The following C1orf54 variants were observed in gnomAD, a reference collection of about 807,000 sequenced individuals.
C1orf54 encodes uncharacterized protein C1orf54.
C1orf54 carries 12 observed loss-of-function variants against 14.7 expected under a neutral mutation model. The ratio of observed to expected loss-of-function variants is 0.82; its 90% CI spans 0.52 to 1.32. The LOEUF (loss-of-function observed/expected upper bound fraction) is 1.32. Ranked by LOEUF, C1orf54 falls within the 40% of genes most tolerant of loss-of-function variation. C1orf54 has a pLI of 0.00. For synonymous variants in C1orf54, 65 were observed against 56.3 expected (o/e 1.16, Z -0.70); for missense variants, 163 against 162.2 (o/e 1.00, Z -0.03).
intron 4 of C1orf54, among the ~76,000 whole-genome samples, chr1:150,278,621 A>C (rs1316406043): frequency 6.6e-6 from 1 of 152,240 alleles, no homozygotes; most frequent in Non-Finnish European, 1.5e-5. Context: ...TGACTGGAGA[A>C]GTAGGCAGAT....
Position 150,276,618 on chromosome 1 carries a change from G to A in C1orf54, c.286G>A (p.Val96Ile). 1 of 1,613,792 alleles carries A rather than the reference G, an allele frequency of 6.2e-7. No individual in the cohort carries two copies. The highest frequency in any genetic ancestry group is 8.5e-7 in the Non-Finnish European group (1 of 1,179,688). ...DHPKPVTVKP[V>I]TTEPSPDLND... ...TCCGAAGCCTGTAACTGTGAAACCA[G>A]TAACAACGGAACCTGTGAGTTGATT... Residue 96 changes from valine (V) to isoleucine (I), a missense_variant, in exon 4 of 6, where the codon GTA becomes ATA. Coordinates refer to ENST00000369099, the MANE Select transcript of C1orf54 (RefSeq NM_024579.4).
At chr1:150,280,788 C>T (rs1274165081) in intron 5 of C1orf54, 47 bp from the exon 6 acceptor site, 15 of 1,484,284 alleles carry the variant, frequency 1.0e-5, no homozygotes, top group South Asian at 1.2e-5. Context: ...AGGGGTTTCT[C>T]GGGTCTCCTG....
intron 3 of C1orf54, 44 bp downstream of exon 3, chr1:150,275,843 TA>T (rs781995667): frequency 5.2e-6 from 8 of 1,551,394 alleles, no homozygotes; most frequent in East Asian, 4.5e-5. Flanking sequence ...AAGTAACAAT[TA>T]AAAAGAAACT....
chr1:150,275,908 G>A (rs1652608807), intron 3 of C1orf54, 109 bp downstream of exon 3: 10 of 921,700 alleles, frequency 1.1e-5, no homozygotes, highest in Non-Finnish European at 1.0e-5. Context: ...AGGCCAAGGC[G>A]AGTGGATCAT....
chr1:150,269,149 T>G (rs1417307398), upstream of C1orf54: 3 of 264,732 alleles, frequency 1.1e-5, no homozygotes, highest in Non-Finnish European at 2.3e-5. Context: ...GGCCTTGACT[T>G]CGTCCTGGGA....
chr1:150,275,669 C>T (rs1173540644), intron 2 of C1orf54, 72 bp from the exon 3 acceptor site: 2 of 1,188,764 alleles, frequency 1.7e-6, no homozygotes, highest in East Asian at 4.8e-5. Flanking sequence ...TGAGTAATTT[C>T]TTCCCTTTTC....
At chr1:150,280,716 T>C (rs996873365) in intron 5 of C1orf54, 119 bp from the exon 6 acceptor site, 74 of 750,622 alleles carry the variant, frequency 9.9e-5, no homozygotes, top group Non-Finnish European at 1.6e-4. Context: ...TCCCAGGAGC[T>C]ATCACAGAGC....
At chr1:150,280,569 G>C (rs1015485824) in intron 5 of C1orf54, among the ~76,000 whole-genome samples, 1 of 152,204 alleles carries the variant, frequency 6.6e-6, no homozygotes, top group Non-Finnish European at 1.5e-5. Flanking sequence ...GTATGGCAGG[G>C]CGGTGGGAGA....
chr1:150,270,444 C>T, upstream of C1orf54, among the ~76,000 whole-genome samples: 1 of 151,532 alleles, frequency 6.6e-6, no homozygotes, highest in East Asian at 1.9e-4. Context: ...GAGTTTGAGA[C>T]TAGCCTGGCC....
Position 150,279,649 on chromosome 1 carries a change from G to T in C1orf54, c.307G>T (p.Asp103Tyr), listed in dbSNP as rs782022240. ...GATGTCGGTATTTTAGCAGAGTCCAGATCTGAACGATGCCGTGTCCAGTTT... is the reference window on the plus strand; with the variant it reads ...GATGTCGGTATTTTAGCAGAGTCCATATCTGAACGATGCCGTGTCCAGTTT... ...VKPVTTEPSP[D>Y]LNDAVSSLRS... The change falls in exon 5 of 6, where the codon GAT (aspartate) becomes TAT (tyrosine). Residue 103 changes from aspartate to tyrosine, a missense_variant. Transcript: ENST00000369099. 54 of 1,611,438 alleles carry T rather than the reference G, an allele frequency of 3.4e-5. No individual in the cohort carries two copies. Among genetic ancestry groups the T allele is most frequent in the Non-Finnish European group, 4.4e-5 (52 of 1,178,928 alleles).
chr1:150,277,997 T>C (rs1652804545), intron 4 of C1orf54, among the ~76,000 whole-genome samples: 1 of 152,120 alleles, frequency 6.6e-6, no homozygotes, highest in South Asian at 2.1e-4. Context: ...CCTGGGAGGC[T>C]GAGGCAGGAG....
upstream of C1orf54, chr1:150,269,033 G>T (rs201314201): frequency 2.0e-6 from 1 of 492,972 alleles, no homozygotes; most frequent in Non-Finnish European, 3.7e-6. Context: ...AATCCCGGCC[G>T]CAGCCCCACG....
chr1:150,269,622 G>A (rs187165777), upstream of C1orf54: 1 of 152,164 alleles, frequency 6.6e-6, no homozygotes, highest in East Asian at 1.9e-4. Flanking sequence ...CAATTAGAGC[G>A]ATGGGGTTGA....
rs1653051195 is a variant in C1orf54 at position 150,280,874 on chromosome 1, G to C, written c.*43G>C. On this transcript the variant is annotated 3_prime_UTR_variant, in exon 6 of 6. Coordinates refer to ENST00000369099, the MANE Select transcript of C1orf54 (RefSeq NM_024579.4). ...CTATGACTCTTTGGATGGGAGTCTG[G>C]CAAGAGGAAATTGGAAGATAAAATA... 5 of 1,550,096 alleles carry C rather than the reference G, an allele frequency of 3.2e-6. No individual in the cohort carries two copies. Among genetic ancestry groups the C allele is most frequent in the Non-Finnish European group, 4.4e-6 (5 of 1,146,772 alleles).
At chr1:150,275,094 A>G (rs931307803) in intron 2 of C1orf54, among the ~76,000 whole-genome samples, 4 of 150,876 alleles carry the variant, frequency 2.7e-5, no homozygotes, top group Non-Finnish European at 5.9e-5. Context: ...GCTAGAGTGC[A>G]GTGGCACAAT....
At chr1:150,268,789 C>A, upstream of C1orf54, 1 of 1,613,596 alleles carries the variant, frequency 6.2e-7, no homozygotes, top group Non-Finnish European at 8.5e-7. Flanking sequence ...AAAGTGCAGC[C>A]GAAAAACACC....
intron 4 of C1orf54, among the ~76,000 whole-genome samples, chr1:150,278,623 T>G (rs1304834218): frequency 6.6e-6 from 1 of 152,150 alleles, no homozygotes; most frequent in Non-Finnish European, 1.5e-5. Flanking sequence ...ACTGGAGAAG[T>G]AGGCAGATAG....
intron 5 of C1orf54, among the ~76,000 whole-genome samples, chr1:150,280,540 C>T (rs996671697): frequency 6.6e-6 from 1 of 152,130 alleles, no homozygotes; most frequent in East Asian, 1.9e-4. Flanking sequence ...AGAGGCAGAA[C>T]GGATGGCGGT....
Position 150,280,866 on chromosome 1 carries a change from G to C in C1orf54, c.*35G>C. On this transcript the variant is annotated 3_prime_UTR_variant, in exon 6 of 6. Transcript: ENST00000369099. ...GAAGGCTGCTATGACTCTTTGGATG[G>C]GAGTCTGGCAAGAGGAAATTGGAAG... 6.5e-7 allele frequency: 1 copy of C among 1,550,258 alleles called. No individual in the cohort carries two copies. The highest frequency in any genetic ancestry group is 8.7e-7 in the Non-Finnish European group (1 of 1,146,872).
Sources: allele counts gnomAD v4.1 joint callset (sites outside exome capture counted in the v4.1 genomes callset), GRCh38; gene constraint gnomAD v4.1.1; transcripts MANE v1.5; gene names NCBI Gene and HGNC (gene_info 2026-07-23, HGNC 2026-07-21).